SLC4A4: variants seen among roughly 807,000 people sequenced by gnomAD.
SLC4A4 encodes solute carrier family 4 member 4, also known as electrogenic sodium bicarbonate cotransporter 1.
SLC4A4 carries 27 observed loss-of-function variants against 111.5 expected under a neutral mutation model. That is an observed-to-expected ratio of 0.24 (90% CI 0.18 to 0.33). The LOEUF is 0.33. SLC4A4 is among the 10% of genes least tolerant of loss of function. The pLI, the probability that SLC4A4 is intolerant of heterozygous loss-of-function variation, is 1.00. For synonymous variants in SLC4A4, 443 were observed against 463.4 expected (o/e 0.96, Z 0.57); for missense variants, 909 against 1,315.5 (o/e 0.69, Z 4.78).
intron 3 of SLC4A4, among the ~76,000 whole-genome samples, chr4:71,338,234 A>C (rs1262111605): frequency 3.3e-5 from 5 of 152,136 alleles, no homozygotes; most frequent in African/African-American, 1.2e-4. Flanking sequence ...GTACTAAATA[A>C]ATTTTGATCT....
intron 2 of SLC4A4, among the ~76,000 whole-genome samples, chr4:71,171,013 T>C (rs990922338): frequency 1.9e-4 from 29 of 152,100 alleles, no homozygotes; most frequent in Non-Finnish European, 8.8e-5. Flanking sequence ...GAGTGGAGAA[T>C]CAAACTGTGT....
At chr4:71,458,413 A>T (rs905807143) in intron 12 of SLC4A4, among the ~76,000 whole-genome samples, 2 of 152,114 alleles carry the variant, frequency 1.3e-5, no homozygotes, top group African/African-American at 2.4e-5. Context: ...GTTGATTGTG[A>T]ATGAATAAGC....
intron 20 of SLC4A4, among the ~76,000 whole-genome samples, chr4:71,552,263 G>A (rs1456381531): frequency 6.6e-6 from 1 of 151,856 alleles, no homozygotes; most frequent in Non-Finnish European, 1.5e-5. Flanking sequence ...TACATAAGTA[G>A]TAGGGCCAGA....
At chr4:71,402,132 C>T (rs1218283713) in intron 7 of SLC4A4, among the ~76,000 whole-genome samples, 1 of 152,002 alleles carries the variant, frequency 6.6e-6, no homozygotes, top group African/African-American at 2.4e-5. Context: ...GGAAATAGAC[C>T]TGAATTTAAA....
chr4:71,555,185 G>C lies in SLC4A4; in HGVS notation c.2740G>C (p.Val914Leu), dbSNP rs1185589463. The C allele has an allele frequency of 6.2e-7, 1 of 1,609,838 alleles. No homozygotes were observed. The highest frequency in any genetic ancestry group is 1.7e-5 in the Admixed American group (1 of 59,878). ...VLYGVFLYMG[V>L]ASLNGVQFMD... Reference sequence around the variant, plus strand: ...CTATGGTGTGTTCCTGTATATGGGAGTAGCATCCCTTAATGGTGTGCAGGT... The same window carrying C: ...CTATGGTGTGTTCCTGTATATGGGACTAGCATCCCTTAATGGTGTGCAGGT... Residue 914 changes from valine to leucine, a missense_variant, in exon 21 of 26, where the codon GTA (valine) becomes CTA (leucine). Transcript: ENST00000264485.
intron 18 of SLC4A4, among the ~76,000 whole-genome samples, chr4:71,537,030 A>T (rs1734569335): frequency 6.6e-6 from 1 of 151,564 alleles, no homozygotes; most frequent in African/African-American, 2.4e-5. Context: ...TCTTACCACG[A>T]TCTACAGCTT....
chr4:71,435,735 A>C (rs1415151196), intron 7 of SLC4A4, among the ~76,000 whole-genome samples: 1 of 152,240 alleles, frequency 6.6e-6, no homozygotes, highest in East Asian at 1.9e-4. Context: ...CAACCCCATC[A>C]AAAAGTGGGC....
At chr4:71,070,771 A>T (rs1163890322) in intron 1 of SLC4A4, among the ~76,000 whole-genome samples, 1 of 152,212 alleles carries the variant, frequency 6.6e-6, no homozygotes, top group African/African-American at 2.4e-5. Flanking sequence ...ATGAGTGAAG[A>T]TGAACCTAGA....
chr4:71,422,402 A>C (rs1345843099), intron 7 of SLC4A4, among the ~76,000 whole-genome samples: 3 of 148,812 alleles, frequency 2.0e-5, no homozygotes. Flanking sequence ...GAATTCTACC[A>C]GAGGTACAAG....
At chr4:71,449,547 A>G (rs908640021) in intron 9 of SLC4A4, among the ~76,000 whole-genome samples, 2 of 152,180 alleles carry the variant, frequency 1.3e-5, no homozygotes, top group Non-Finnish European at 2.9e-5. Context: ...TACTTAATTG[A>G]TAGCTTTTAA....
At chr4:71,106,774 G>C (rs1360150921) in intron 2 of SLC4A4, among the ~76,000 whole-genome samples, 1 of 118,156 alleles carries the variant, frequency 8.5e-6, no homozygotes, top group Non-Finnish European at 1.7e-5. Flanking sequence ...GGACTGTTGT[G>C]GGGTGGGGGG....
intron 1 of SLC4A4, among the ~76,000 whole-genome samples, chr4:71,200,659 C>A (rs986777648): frequency 9.2e-5 from 14 of 152,126 alleles, no homozygotes; most frequent in Non-Finnish European, 1.5e-4. Flanking sequence ...CATTGGCCAT[C>A]AGCAAAGGGG....
At chr4:71,109,042 C>T (rs1029189891) in intron 2 of SLC4A4, among the ~76,000 whole-genome samples, 2 of 152,018 alleles carry the variant, frequency 1.3e-5, no homozygotes, top group South Asian at 2.1e-4. Context: ...TTTTCCTATT[C>T]CTTTACATAT....
rs146848667 is a variant in SLC4A4, at chr4:71,534,391, A to C, written c.2442+3A>C. On this transcript the variant is annotated splice_donor_region_variant and intron_variant, in intron 18 of 25. Coordinates refer to ENST00000264485, the MANE Select transcript of SLC4A4 (RefSeq NM_001098484.3). ...ACAGGAAAGAACATAAACTCAAGGT[A>C]AGTGTCCATAATAATGTCTGTCATT... 289 of 1,613,048 alleles carry C rather than the reference A, an allele frequency of 1.8e-4. No individual in the cohort carries two copies. In the African/African-American group the frequency reaches 3.5e-3, roughly 20 times the overall value.
At chr4:71,386,584 C>CTT (rs1449367378) in intron 6 of SLC4A4, among the ~76,000 whole-genome samples, 68 of 151,554 alleles carry the variant, frequency 4.5e-4, no homozygotes, top group African/African-American at 1.6e-3. Flanking sequence ...GAGGTTTTTT[C>CTT]TTTTCTTTTT....
At chr4:71,387,541 C>T (rs920728169) in intron 6 of SLC4A4, among the ~76,000 whole-genome samples, 5 of 152,176 alleles carry the variant, frequency 3.3e-5, no homozygotes, top group African/African-American at 1.2e-4. Flanking sequence ...GTTGCCCAGG[C>T]TGGAGTGCAA....
chr4:71,236,661 G>C lies in SLC4A4; in HGVS notation c.73+12G>C. ...AGAAGAAGTAGAAGGTGAGCTTTAT[G>C]GGTCTGGGAAAGTGTCTGTTGACAT... On this transcript the variant is annotated intron_variant, in intron 2 of 25. Coordinates refer to ENST00000264485, the MANE Select transcript of SLC4A4 (RefSeq NM_001098484.3). 2 of 1,609,980 alleles carry C rather than the reference G, an allele frequency of 1.2e-6. No homozygotes were observed. The highest frequency in any genetic ancestry group is 1.7e-6 in the Non-Finnish European group (2 of 1,176,378).
intron 2 of SLC4A4, among the ~76,000 whole-genome samples, chr4:71,103,266 TA>T (rs1742813138): frequency 6.6e-6 from 1 of 151,646 alleles, no homozygotes; most frequent in African/African-American, 2.4e-5. Context: ...CCCAGATTCA[TA>T]AAGCAAGTCC....
chr4:71,082,349 C>T (rs1578460065), intron 1 of SLC4A4, among the ~76,000 whole-genome samples: 2 of 152,070 alleles, frequency 1.3e-5, no homozygotes, highest in African/African-American at 2.4e-5. Context: ...CCCCCCACCA[C>T]TATAGAACAC....
Sources: gnomAD v4.1 joint callset for allele counts (sites outside exome capture counted in the v4.1 genomes callset) on GRCh38, gnomAD v4.1.1 for gene constraint, MANE v1.5 for transcripts, NCBI Gene and HGNC (gene_info 2026-07-23, HGNC 2026-07-21) for gene names.